RFX3: variants seen among roughly 807,000 people sequenced by gnomAD.
The protein encoded by RFX3 is regulatory factor X3.
A neutral mutation model predicts 98.6 loss-of-function variants in RFX3; 14 were observed. The observed-to-expected ratio is 0.14, with a 90% CI of 0.09 to 0.22. RFX3 has a LOEUF of 0.22. Among genes scored for constraint, RFX3 ranks in the 10% least tolerant of loss-of-function variants. The pLI is 1.00. For missense variants in RFX3, 639 were observed against 926.9 expected, an observed-to-expected ratio of 0.69 and a Z score of 4.03; for synonymous variants, 383 against 328.4, an observed-to-expected ratio of 1.17 and a Z score of -1.80.
chr9:3,474,685 T>G (rs766722010), intron 1 of RFX3, among the ~76,000 whole-genome samples: 17 of 152,228 alleles, frequency 1.1e-4, no homozygotes, highest in Non-Finnish European at 2.2e-4. Context: ...CCAGAAACAG[T>G]GCTTATTTGC....
rs545934642 is a variant in RFX3, at chr9:3,251,489, A to C, written c.1815-3304T>G. Among the ~76,000 whole-genome samples the C allele has an allele frequency of 2.1e-4, 32 of 152,076 alleles. No homozygotes were observed. The South Asian group carries it at 6.4e-3, about 31-fold the overall frequency. On this transcript the variant is annotated intron_variant, in intron 14 of 16. Transcript: ENST00000617270. ...TCACCTCCCATAGGCACTTGCTACC[A>C]TGCTCAGCTAATTATTTTATTTTGT... is the stretch of plus-strand genomic sequence containing the variant.
At chr9:3,456,616 T>C (rs1335547217) in intron 1 of RFX3, among the ~76,000 whole-genome samples, 2 of 152,204 alleles carry the variant, frequency 1.3e-5, no homozygotes, top group Non-Finnish European at 2.9e-5. Flanking sequence ...TTCATCAAAT[T>C]ATTTCAACCA....
Position 3,465,759 on chromosome 9 carries a change from T to G in RFX3, c.-9+59988A>C, listed in dbSNP as rs1848154754. On this transcript the variant is annotated intron_variant, in intron 1 of 16. Transcript: ENST00000617270. ...CATTTTTATTAATAATACAAGATAC[T>G]ATATATCTCAAAATAGAGCAGTGAG... Among the ~76,000 whole-genome samples, 4 of 151,964 alleles carry G rather than the reference T, an allele frequency of 2.6e-5. No individual in the cohort carries two copies. The South Asian group carries it at 8.3e-4, about 31-fold the overall frequency.
intron 2 of RFX3, among the ~76,000 whole-genome samples, chr9:3,356,242 GA>G (rs1199191063): frequency 7.3e-5 from 11 of 150,514 alleles, no homozygotes; most frequent in Non-Finnish European, 1.2e-4. Flanking sequence ...TATGAAAACA[GA>G]AAAAAATAAT....
chr9:3,358,301 T>G (rs567543986), intron 2 of RFX3, among the ~76,000 whole-genome samples: 3 of 152,278 alleles, frequency 2.0e-5, no homozygotes, highest in African/African-American at 7.2e-5. Context: ...AAGAGTCTTG[T>G]CTTTATGTCT....
rs572403672 is a variant in RFX3, at chr9:3,301,332, A to G, written c.549+214T>C. 6.6e-5 allele frequency among the ~76,000 whole-genome samples: 10 copies of G among 152,072 alleles called. No individual in the cohort carries two copies. In the East Asian group the frequency reaches 1.7e-3, roughly 26 times the overall value. ...GAAAATATTATATCTGTACCCAAAG[A>G]GTACAGAAACCTAATAAATTATACT... On this transcript the variant is annotated intron_variant, in intron 5 of 16. Coordinates refer to ENST00000617270, the MANE Select transcript of RFX3 (RefSeq NM_001282116.2).
chr9:3,507,288 T>C (rs1339443500), intron 1 of RFX3, among the ~76,000 whole-genome samples: 1 of 151,806 alleles, frequency 6.6e-6, no homozygotes, highest in Admixed American at 6.6e-5. Flanking sequence ...CACATTCTAA[T>C]AGAATAAAGG....
chr9:3,330,537 A>C lies in RFX3; in HGVS notation c.216-20T>G, dbSNP rs771046706. The C allele has an allele frequency of 3.2e-6, 5 of 1,581,698 alleles. 1 individual carries two copies. In the African/African-American group the frequency reaches 5.4e-5, roughly 17 times the overall value. On this transcript the variant is annotated intron_variant, in intron 3 of 16. Transcript: ENST00000617270. ...GTTCGGCTTTAGAAGAAGAAGAAAAAAGAAATTTACTAGCTTATTTATGTC... is the reference window on the plus strand; with the variant it reads ...GTTCGGCTTTAGAAGAAGAAGAAAACAGAAATTTACTAGCTTATTTATGTC...
Position 3,221,673 on chromosome 9 carries a change from C to CCCTGTCTT in RFX3, c.*3361_*3368dup, listed in dbSNP as rs1491302505. ...GCCAAAGAAAAAATTGAAAATTGGG[C>CCCTGTCTT]CCTGTCTTCCAAGGAGATGGTTCAT... On this transcript the variant is annotated 3_prime_UTR_variant, in exon 17 of 17. Coordinates refer to ENST00000617270, the MANE Select transcript of RFX3 (RefSeq NM_001282116.2). The CCCTGTCTT allele has an allele frequency of 6.6e-6, 1 of 152,082 alleles. No individual in the cohort carries two copies. The highest frequency in any genetic ancestry group is 6.6e-5 in the Admixed American group (1 of 15,246). 9.4% of individuals were successfully genotyped at this position (152,082 alleles called of 1,614,324 possible).
At chr9:3,436,300 T>C (rs1251648117) in intron 1 of RFX3, among the ~76,000 whole-genome samples, 1 of 152,044 alleles carries the variant, frequency 6.6e-6, no homozygotes, top group Non-Finnish European at 1.5e-5. Flanking sequence ...TTACAACCAG[T>C]ATTTTTCTAA....
chr9:3,450,402 G>C (rs1047794990), intron 1 of RFX3, among the ~76,000 whole-genome samples: 6 of 151,310 alleles, frequency 4.0e-5, no homozygotes, highest in African/African-American at 1.2e-4. Flanking sequence ...CTATTTTTTT[G>C]TTTTTCTCTT....
intron 1 of RFX3, among the ~76,000 whole-genome samples, chr9:3,464,008 T>C (rs1338225441): frequency 6.6e-6 from 1 of 151,992 alleles, no homozygotes; most frequent in African/African-American, 2.4e-5. Flanking sequence ...CACAAGAATA[T>C]ATGCAAATGA....
intron 1 of RFX3, among the ~76,000 whole-genome samples, chr9:3,442,497 A>G (rs1845690658): frequency 6.6e-6 from 1 of 152,222 alleles, no homozygotes; most frequent in East Asian, 1.9e-4. Flanking sequence ...CTAAGGAGAC[A>G]CAAAAACTAA....
chr9:3,491,634 A>G (rs1215394486), intron 1 of RFX3, among the ~76,000 whole-genome samples: 1 of 152,170 alleles, frequency 6.6e-6, no homozygotes, highest in Non-Finnish European at 1.5e-5. Flanking sequence ...ATAGGTTACA[A>G]ATAAAACCTA....
At chr9:3,366,083 C>T (rs1006862296) in intron 2 of RFX3, among the ~76,000 whole-genome samples, 1 of 151,944 alleles carries the variant, frequency 6.6e-6, no homozygotes, top group Non-Finnish European at 1.5e-5. Context: ...GATGTAGGCT[C>T]GCAGCAGCTG....
At chr9:3,261,535 T>C (rs1260285485) in intron 13 of RFX3, among the ~76,000 whole-genome samples, 1 of 152,166 alleles carries the variant, frequency 6.6e-6, no homozygotes, top group Non-Finnish European at 1.5e-5. Context: ...ATTTTGTTTA[T>C]CTATTAATCA....
chr9:3,332,811 T>C (rs1563940849), intron 3 of RFX3, among the ~76,000 whole-genome samples: 1 of 152,206 alleles, frequency 6.6e-6, no homozygotes, highest in African/African-American at 2.4e-5. Context: ...CTTGCCTTTC[T>C]GCTTCACTAC....
chr9:3,453,848 T>C (rs1369138211), intron 1 of RFX3: 2 of 152,112 alleles, frequency 1.3e-5, no homozygotes, highest in Admixed American at 6.5e-5. Flanking sequence ...GAAGATGGCA[T>C]AAATTTAGAT....
chr9:3,272,327 T>G (rs937713840), intron 9 of RFX3, among the ~76,000 whole-genome samples: 2 of 152,036 alleles, frequency 1.3e-5, no homozygotes, highest in African/African-American at 4.8e-5. Flanking sequence ...CAATCTAGAG[T>G]GTCTATAAGA....
Sources: allele counts gnomAD v4.1 joint callset (sites outside exome capture counted in the v4.1 genomes callset), GRCh38; gene constraint gnomAD v4.1.1; transcripts MANE v1.5; gene names NCBI Gene and HGNC (gene_info 2026-07-23, HGNC 2026-07-21).